Variants in PSMD6 observed in about 807,000 individuals in gnomAD.
PSMD6 encodes the protein proteasome 26S subunit, non-ATPase 6.
PSMD6 carries 7 observed loss-of-function variants against 44.9 expected under a neutral mutation model. The ratio of observed to expected loss-of-function variants is 0.16; its 90% CI spans 0.09 to 0.29. The LOEUF is 0.29. Ranked by LOEUF, PSMD6 falls within the 10% of genes least tolerant of loss-of-function variation. PSMD6 has a pLI of 1.00. For missense variants in PSMD6, 420 were observed against 482.6 expected (o/e 0.87, Z 1.21); for synonymous variants, 184 against 172.7 (o/e 1.07, Z -0.51).
intron 6 of PSMD6, chr3:64,011,581 T>G (rs2075952572): frequency 6.6e-6 from 1 of 152,112 alleles, no homozygotes; most frequent in Non-Finnish European, 1.5e-5. Flanking sequence ...CAAGGCCTTT[T>G]TAGGTAACAA....
At position 64,010,707 on chromosome 3, in the gene PSMD6, T is replaced by A. The variant is rs1390842220; in HGVS notation, c.1131A>T (p.Leu377=). The change falls in exon 8 of 8, where the codon CTA becomes CTT. Residue 377 remains leucine (L), a synonymous_variant. Coordinates refer to ENST00000295901, the MANE Select transcript of PSMD6 (RefSeq NM_014814.3). Reference sequence around the variant, plus strand: ...CTCTGGAAAGTTTTTGAACTCTGTTTAGTAGCAGATCTCCTTTCTTGATAG... The same window carrying A: ...CTCTGGAAAGTTTTTGAACTCTGTTAAGTAGCAGATCTCCTTTCTTGATAG... ...QETIKKGDLL[L]NRVQKLSRVI... The A allele has an allele frequency of 6.2e-7, 1 of 1,610,248 alleles. No homozygotes were observed. Among genetic ancestry groups the A allele is most frequent in the Non-Finnish European group, 8.5e-7 (1 of 1,177,024 alleles).
In PSMD6 at chr3:64,022,647, A is replaced by C. The variant is rs2076150756; in HGVS notation, c.146-124T>G. On this transcript the variant is annotated intron_variant, in intron 1 of 7. Transcript: ENST00000295901. ...ACCAGTCTCTTCCCCACTAACAGGA[A>C]GGCATGCGATGGCGCTTAATAATCG... is the stretch of plus-strand genomic sequence containing the variant. 3.2e-6 allele frequency: 5 copies of C among 1,556,452 alleles called. No individual in the cohort carries two copies. In the African/African-American group the frequency reaches 5.5e-5, roughly 17 times the overall value.
chr3:64,010,798 A>ACCAGTCACATTATTCCAT, intron 7 of PSMD6, 34 bp from the exon 8 acceptor site: 1 of 1,580,994 alleles, frequency 6.3e-7, no homozygotes, highest in Non-Finnish European at 8.7e-7. Context: ...TGAATTATTT[A>ACCAGTCACATTATTCCAT]CCAGTCACAT....
Position 64,019,284 on chromosome 3 carries a change from CT to C in PSMD6, c.497+11del. 3.2e-6 allele frequency: 5 copies of C among 1,562,372 alleles called. No individual in the cohort carries two copies. The highest frequency in any genetic ancestry group is 4.4e-6 in the Non-Finnish European group (5 of 1,133,804). On this transcript the variant is annotated intron_variant, in intron 3 of 7. Coordinates refer to ENST00000295901, the MANE Select transcript of PSMD6 (RefSeq NM_014814.3). ...AATTTAGAGAAAATATAATCCCACCCTTAGAAAGTACCTTTTGGCCTTTTCT... is the reference window on the plus strand; with the variant it reads ...AATTTAGAGAAAATATAATCCCACCCTAGAAAGTACCTTTTGGCCTTTTCT...
chr3:64,011,512 GAAT>G (rs2075950321), intron 6 of PSMD6: 1 of 148,996 alleles, frequency 6.7e-6, no homozygotes, highest in Non-Finnish European at 1.5e-5. Flanking sequence ...GAGAAAAAAA[GAAT>G]AAAGAATCCA....
intron 2 of PSMD6, chr3:64,019,745 A>C: frequency 3.8e-6 from 1 of 260,970 alleles, no homozygotes; most frequent in Non-Finnish European, 7.0e-6. Context: ...TGTTCTATAT[A>C]TTCAATGTTT....
At chr3:64,020,954 T>C (rs1291603824) in intron 2 of PSMD6, among the ~76,000 whole-genome samples, 1 of 152,132 alleles carries the variant, frequency 6.6e-6, no homozygotes, top group Non-Finnish European at 1.5e-5. Flanking sequence ...TAACCACTAT[T>C]ACACAGTTAC....
chr3:64,014,264 A>G (rs2076009714), intron 5 of PSMD6: 1 of 152,216 alleles, frequency 6.6e-6, no homozygotes, highest in African/African-American at 2.4e-5. Flanking sequence ...AAATTATTTT[A>G]CTGAATAACT....
chr3:64,010,748 A>G lies in PSMD6; in HGVS notation c.1090T>C (p.Trp364Arg). 6.2e-7 allele frequency: 1 copy of G among 1,609,684 alleles called. No homozygotes were observed. Among genetic ancestry groups the G allele is most frequent in the Non-Finnish European group, 8.5e-7 (1 of 1,176,548 alleles). Residue 364 changes from tryptophan to arginine, a missense_variant, in exon 8 of 8, where the codon TGG becomes CGG. Around this residue, in one of 4 missense-constraint regions of PSMD6, gnomAD observed 63 missense variants for 112.1 expected, o/e 0.56. Coordinates refer to ENST00000295901, the MANE Select transcript of PSMD6 (RefSeq NM_014814.3). ...VETNRPDSKN[W>R]QYQETIKKGD... ...TTCTTGATAGTTTCTTGGTACTGCC[A>G]GTTCTTGCTATCAGGTCTATAAATA...
intron 4 of PSMD6, 42 bp from the exon 5 acceptor site, chr3:64,018,749 T>C (rs767849572): frequency 6.6e-7 from 1 of 1,522,678 alleles, no homozygotes; most frequent in Non-Finnish European, 9.0e-7. Context: ...AAATGTACAT[T>C]TTAATGATTT....
chr3:64,022,361 G>A lies in PSMD6; in HGVS notation c.308C>T (p.Ala103Val). 6 of 1,614,164 alleles carry A rather than the reference G, an allele frequency of 3.7e-6. No homozygotes were observed. Among genetic ancestry groups the A allele is most frequent in the Non-Finnish European group, 5.1e-6 (6 of 1,180,046 alleles). ...GAGGTACTCGGCCTTTGCCATCATT[G>A]CATCGCGAATTTCGCTCTCTCCTAG... ...KNLGESEIRD[A>V]MMAKAEYLCR... Residue 103 changes from alanine to valine, a missense_variant, in exon 2 of 8, where the codon GCA becomes GTA. Ala to Val is a moderately conservative substitution (Grantham distance 64, BLOSUM62 0). Transcript: ENST00000295901.
upstream of PSMD6, chr3:64,023,669 C>T (rs533349534): frequency 3.4e-6 from 5 of 1,472,816 alleles, no homozygotes; most frequent in African/African-American, 5.6e-5. Context: ...TGGGTGCAGC[C>T]CAACTCAAAA....
chr3:64,019,702 A>C, intron 2 of PSMD6: 1 of 388,706 alleles, frequency 2.6e-6, no homozygotes, highest in Non-Finnish European at 4.5e-6. Flanking sequence ...CAATTTAAGA[A>C]AAATATATTC....
At chr3:64,022,249 C>A (rs2076144197) in intron 2 of PSMD6, 69 bp downstream of exon 2, 2 of 1,518,850 alleles carry the variant, frequency 1.3e-6, no homozygotes, top group Middle Eastern at 1.7e-4. Context: ...TAATGAGAAA[C>A]GATTACCTGG....
At chr3:64,023,496 G>A, upstream of PSMD6, 1 of 1,472,688 alleles carries the variant, frequency 6.8e-7, no homozygotes, top group Non-Finnish European at 9.0e-7. Context: ...GGAGGAGTCG[G>A]CGAATACGCC....
chr3:64,023,266 G>A lies in PSMD6; in HGVS notation c.145+9C>T. The A allele has an allele frequency of 1.3e-6, 2 of 1,554,758 alleles. No individual in the cohort carries two copies. Among genetic ancestry groups the A allele is most frequent in the Admixed American group, 1.9e-5 (1 of 51,724 alleles). On this transcript the variant is annotated intron_variant, in intron 1 of 7. Transcript: ENST00000295901. ...TAGGCCGCTGACTCGGCGCTCGTGCGGGCCTCACTGTTATCGCGGACGGCC... is the reference window on the plus strand; with the variant it reads ...TAGGCCGCTGACTCGGCGCTCGTGCAGGCCTCACTGTTATCGCGGACGGCC...
intron 5 of PSMD6, chr3:64,014,796 T>A (rs1377965408): frequency 6.6e-6 from 1 of 152,296 alleles, no homozygotes; most frequent in Non-Finnish European, 1.5e-5. Flanking sequence ...CATTGAGGCA[T>A]GAGTCTGGTG....
chr3:64,019,183 CAATT>C, intron 3 of PSMD6, 109 bp downstream of exon 3: 1 of 1,401,266 alleles, frequency 7.1e-7, no homozygotes, highest in Non-Finnish European at 9.9e-7. Context: ...ATAAGTACAT[CAATT>C]ATTTGACCAA....
chr3:64,017,057 C>A (rs769617522), intron 5 of PSMD6: 2 of 152,154 alleles, frequency 1.3e-5, no homozygotes, highest in Non-Finnish European at 2.9e-5. Context: ...CACAAAAAGC[C>A]ACGTATTTTA....
Sources: allele counts gnomAD v4.1 joint callset (sites outside exome capture counted in the v4.1 genomes callset), GRCh38; gene constraint gnomAD v4.1.1; regional missense constraint gnomAD v4.1.1; transcripts MANE v1.5; gene names NCBI Gene and HGNC (gene_info 2026-07-23, HGNC 2026-07-21).